Variants in ITGB3BP observed in about 807,000 individuals in gnomAD.
ITGB3BP encodes the protein integrin subunit beta 3 binding protein.
A neutral mutation model predicts 29.1 loss-of-function variants in ITGB3BP; 27 were observed. The observed-to-expected ratio is 0.93, with a 90% CI of 0.68 to 1.28. The LOEUF (loss-of-function observed/expected upper bound fraction) is 1.28. Ranked by LOEUF, ITGB3BP falls within the 50% of genes most tolerant of loss-of-function variation. The pLI, the probability that ITGB3BP is intolerant of heterozygous loss-of-function variation, is 0.00. For missense variants in ITGB3BP, 192 were observed against 200.2 expected (o/e 0.96, Z 0.25); for synonymous variants, 61 against 61.4 (o/e 0.99, Z 0.03).
upstream of ITGB3BP, chr1:63,523,237 G>T: frequency 6.7e-7 from 1 of 1,490,488 alleles, no homozygotes; most frequent in East Asian, 2.3e-5. Context: ...AAAAGCGCGC[G>T]CTGGACGTTG....
At chr1:63,469,867 T>C (rs1425573084) in intron 4 of ITGB3BP, among the ~76,000 whole-genome samples, 1 of 152,236 alleles carries the variant, frequency 6.6e-6, no homozygotes, top group Non-Finnish European at 1.5e-5. Context: ...TCTGCAGCAC[T>C]GTGACATGTT....
upstream of ITGB3BP, among the ~76,000 whole-genome samples, chr1:63,526,724 G>A (rs1306148137): frequency 6.6e-6 from 1 of 151,984 alleles, no homozygotes; most frequent in Non-Finnish European, 1.5e-5. Flanking sequence ...TTAAGTATTT[G>A]TGTTTAATTC....
At chr1:63,493,199 C>T (rs537195785) in intron 2 of ITGB3BP, among the ~76,000 whole-genome samples, 10 of 152,112 alleles carry the variant, frequency 6.6e-5, no homozygotes, top group Admixed American at 2.6e-4. Flanking sequence ...GTGGGTAAAT[C>T]ACTTGAGGCC....
chr1:63,467,515 T>A (rs981356235), intron 4 of ITGB3BP, among the ~76,000 whole-genome samples: 2 of 118,910 alleles, frequency 1.7e-5, no homozygotes, highest in African/African-American at 6.0e-5. Context: ...TCCAGCTTGC[T>A]TGCTTGCTGA....
intron 4 of ITGB3BP, among the ~76,000 whole-genome samples, chr1:63,468,091 AC>A (rs2100565391): frequency 6.6e-6 from 1 of 152,318 alleles, no homozygotes; most frequent in East Asian, 1.9e-4. Flanking sequence ...TTTCTCTCTC[AC>A]TGCAAACCAG....
At chr1:63,442,282 C>A (rs1422355394) in intron 8 of ITGB3BP, among the ~76,000 whole-genome samples, 5 of 152,186 alleles carry the variant, frequency 3.3e-5, no homozygotes, top group Non-Finnish European at 5.9e-5. Flanking sequence ...TGGCCAAAGT[C>A]CAGAACATTC....
At chr1:63,528,087 A>C (rs1646628149), upstream of ITGB3BP, 1 of 152,356 alleles carries the variant, frequency 6.6e-6, no homozygotes. Context: ...GTATATATCC[A>C]AAAGGAAATC....
upstream of ITGB3BP, chr1:63,528,106 G>A (rs1646628463): frequency 1.3e-5 from 2 of 152,276 alleles, no homozygotes; most frequent in South Asian, 4.1e-4. Context: ...TCAGCATATT[G>A]AAGAGATATC....
chr1:63,507,101 T>C (rs974678106), intron 2 of ITGB3BP, among the ~76,000 whole-genome samples: 2 of 152,112 alleles, frequency 1.3e-5, no homozygotes, highest in African/African-American at 2.4e-5. Flanking sequence ...AAACAAATGA[T>C]AAGGCAAGAG....
intron 1 of ITGB3BP, among the ~76,000 whole-genome samples, chr1:63,518,131 G>T (rs905192123): frequency 6.6e-6 from 1 of 152,046 alleles, no homozygotes; most frequent in Non-Finnish European, 1.5e-5. Flanking sequence ...AAAAGTTTTC[G>T]ATACTAAATA....
chr1:63,520,138 T>C (rs1646416071), intron 1 of ITGB3BP, among the ~76,000 whole-genome samples: 1 of 152,130 alleles, frequency 6.6e-6, no homozygotes, highest in Non-Finnish European at 1.5e-5. Flanking sequence ...TGGGATTTGA[T>C]TACTTACAGC....
Position 63,454,349 on chromosome 1 carries a change from T to A in ITGB3BP, c.427+31A>T, listed in dbSNP as rs1204477821. ...CAAATTAATAGGTTTATCTTTAAAA[T>A]TACTGTCATTGAAAACTCAAAAATT... On this transcript the variant is annotated intron_variant, in intron 6 of 8. Coordinates refer to ENST00000271002, the MANE Select transcript of ITGB3BP (RefSeq NM_014288.5). This position sits in a 1 kb window ranked among gnomAD's most constrained non-coding sequence, Gnocchi z 4.1. 9.1e-7 allele frequency: 1 copy of A among 1,098,038 alleles called. No individual in the cohort carries two copies. The allele number at this position is 1,098,038 out of a possible 1,614,324, so 68.0% of individuals were successfully genotyped here.
At chr1:63,494,146 CT>C (rs946509037) in intron 2 of ITGB3BP, among the ~76,000 whole-genome samples, 62 of 147,362 alleles carry the variant, frequency 4.2e-4, no homozygotes, top group Non-Finnish European at 4.5e-4. Flanking sequence ...CAACAACCTT[CT>C]TTTTTTTTTT....
At chr1:63,453,763 A>C (rs540699381) in intron 7 of ITGB3BP, 155 bp downstream of exon 7, 73 of 555,378 alleles carry the variant, frequency 1.3e-4, no homozygotes, top group Non-Finnish European at 2.2e-4. Flanking sequence ...AAAGCTTTTC[A>C]AATGAGATTT....
intron 1 of ITGB3BP, among the ~76,000 whole-genome samples, chr1:63,512,217 T>C (rs372840880): frequency 2.0e-5 from 3 of 152,252 alleles, no homozygotes; most frequent in Admixed American, 6.5e-5. Flanking sequence ...CATGCAATTT[T>C]ATAGAGAGAG....
intron 4 of ITGB3BP, among the ~76,000 whole-genome samples, chr1:63,461,193 G>A (rs1286287487): frequency 7.3e-6 from 1 of 136,502 alleles, no homozygotes; most frequent in Non-Finnish European, 1.5e-5. Flanking sequence ...GGCGGAGCTT[G>A]CAGTAAGCCA....
At chr1:63,452,031 G>A (rs1259431448) in intron 7 of ITGB3BP, 3 of 152,064 alleles carry the variant, frequency 2.0e-5, no homozygotes. Flanking sequence ...GGTCCTTTGG[G>A]AAAATCTGGT....
intron 2 of ITGB3BP, among the ~76,000 whole-genome samples, chr1:63,492,768 A>C (rs1645680289): frequency 6.6e-6 from 1 of 152,074 alleles, no homozygotes; most frequent in Non-Finnish European, 1.5e-5. Flanking sequence ...GATGTAACAA[A>C]ATAAAAAAAA....
chr1:63,495,683 G>A (rs1057362406), intron 2 of ITGB3BP, among the ~76,000 whole-genome samples: 1 of 151,618 alleles, frequency 6.6e-6, no homozygotes, highest in Non-Finnish European at 1.5e-5. Flanking sequence ...AGGTGGGGGT[G>A]GGGGTGAAGG....
Sources: allele counts gnomAD v4.1 joint callset (sites outside exome capture counted in the v4.1 genomes callset), GRCh38; gene constraint gnomAD v4.1.1; non-coding constraint Gnocchi (gnomAD v3.1); transcripts MANE v1.5; gene names NCBI Gene and HGNC (gene_info 2026-07-23, HGNC 2026-07-21).